Variants in TEC observed in about 807,000 individuals in gnomAD.
TEC encodes tyrosine-protein kinase Tec.
TEC carries 72 observed loss-of-function variants against 93.0 expected under a neutral mutation model. The ratio of observed to expected loss-of-function variants is 0.77; its 90% CI spans 0.64 to 0.94. TEC has a LOEUF of 0.94. Ranked by LOEUF, TEC falls within the 40% of genes least tolerant of loss-of-function variation. The probability of loss-of-function intolerance (pLI) is 0.00; values close to 1 mark genes in which losing one functional copy is unlikely to be tolerated. For synonymous variants in TEC, 249 were observed against 247.7 expected, an observed-to-expected ratio of 1.01 and a Z score of -0.05; for missense variants, 630 against 757.9, an observed-to-expected ratio of 0.83 and a Z score of 1.98.
At chr4:48,177,759 G>A (rs1721388643) in intron 2 of TEC, among the ~76,000 whole-genome samples, 3 of 152,186 alleles carry the variant, frequency 2.0e-5, no homozygotes, top group Admixed American at 2.0e-4. Context: ...CTAGTGGGAG[G>A]TGATTGGATC....
intron 2 of TEC, among the ~76,000 whole-genome samples, chr4:48,197,425 A>G (rs1268514428): frequency 1.3e-5 from 2 of 152,220 alleles, no homozygotes; most frequent in Non-Finnish European, 2.9e-5. Flanking sequence ...CATGTTTGGC[A>G]CATGGTAAGC....
At chr4:48,225,915 C>G (rs982208610) in intron 2 of TEC, among the ~76,000 whole-genome samples, 19 of 152,080 alleles carry the variant, frequency 1.2e-4, no homozygotes, top group African/African-American at 4.6e-4. Context: ...GGCTCTCTAG[C>G]CCAGGCAGCA....
intron 2 of TEC, among the ~76,000 whole-genome samples, chr4:48,185,831 AT>A (rs1721808947): frequency 6.4e-5 from 1 of 15,596 alleles, no homozygotes; most frequent in South Asian, 2.5e-3. Context: ...CCCCTCTCCC[AT>A]CTCCCTCTCC....
At chr4:48,243,816 G>A (rs1447412360) in intron 1 of TEC, among the ~76,000 whole-genome samples, 1 of 152,110 alleles carries the variant, frequency 6.6e-6, no homozygotes, top group African/African-American at 2.4e-5. Flanking sequence ...GGGGCCTGTT[G>A]GGGGTTGGGG....
intron 1 of TEC, among the ~76,000 whole-genome samples, chr4:48,241,660 G>T (rs1723926931): frequency 6.6e-6 from 1 of 152,072 alleles, no homozygotes; most frequent in South Asian, 2.1e-4. Flanking sequence ...ATTCATGAGG[G>T]TGATAAAATG....
chr4:48,233,340 C>CA (rs1174209428), intron 1 of TEC, among the ~76,000 whole-genome samples: 1 of 138,360 alleles, frequency 7.2e-6, no homozygotes, highest in Non-Finnish European at 1.6e-5. Context: ...CCAATTGACA[C>CA]TTTTTTTTTT....
chr4:48,139,154 A>G, intron 15 of TEC, 132 bp from the exon 16 acceptor site: 1 of 749,134 alleles, frequency 1.3e-6, no homozygotes, highest in Non-Finnish European at 2.2e-6. Context: ...GTTGAAGCTA[A>G]ATGTTCACCT....
At position 48,137,676 on chromosome 4, in the gene TEC, CT is replaced by C. The variant is rs35583128; in HGVS notation, c.1813-178del. Among the ~76,000 whole-genome samples the C allele has an allele frequency of 3.0e-3, 463 of 152,308 alleles. 1 individual carries two copies. Among genetic ancestry groups the C allele is most frequent in the Non-Finnish European group, 4.7e-3 (320 of 68,032 alleles). On this transcript the variant is annotated intron_variant, in intron 17 of 17. Coordinates refer to ENST00000381501, the MANE Select transcript of TEC (RefSeq NM_003215.3). Reference sequence around the variant, plus strand: ...ACCCTAATTTACCCTGCATGTACTGCTGCTAGGCTAACGTTTCTAAGACACT... The same window carrying C: ...ACCCTAATTTACCCTGCATGTACTGCGCTAGGCTAACGTTTCTAAGACACT...
chr4:48,204,200 G>T (rs921523391), intron 2 of TEC, among the ~76,000 whole-genome samples: 1 of 152,206 alleles, frequency 6.6e-6, no homozygotes, highest in Non-Finnish European at 1.5e-5. Context: ...GCCACAAGGG[G>T]TCTTAACGGT....
At position 48,167,910 on chromosome 4, in the gene TEC, C is replaced by T. The variant is rs764967387; in HGVS notation, c.539G>A (p.Ser180Asn). 2 of 1,613,874 alleles carry T rather than the reference C, an allele frequency of 1.2e-6. No homozygotes were observed. The highest frequency in any genetic ancestry group is 2.2e-5 in the South Asian group (2 of 91,068). Residue 180 changes from serine (S) to asparagine (N), a missense_variant, in exon 7 of 18, where the codon AGT (serine) becomes AAT (asparagine). Ser to Asn is a conservative substitution (Grantham distance 46). This residue lies in a region of TEC where 335 missense variants were observed against 351.5 expected (regional missense o/e 0.95). Coordinates refer to ENST00000381501, the MANE Select transcript of TEC (RefSeq NM_003215.3). ...PPIPLEEEDN[S>N]EEIVVAMYDF... ...ATACATGGCTACAACGATTTCTTCA[C>T]TATTATCTTCTTCTTCTAGTGGAAT...
At chr4:48,208,817 C>G (rs1484143953) in intron 2 of TEC, among the ~76,000 whole-genome samples, 1 of 152,194 alleles carries the variant, frequency 6.6e-6, no homozygotes, top group Non-Finnish European at 1.5e-5. Context: ...ACAGAGCCTA[C>G]AACAGTACTT....
intron 2 of TEC, 133 bp from the exon 3 acceptor site, chr4:48,176,319 C>A: frequency 1.6e-6 from 1 of 635,698 alleles, no homozygotes. Context: ...ATGTTTCCCA[C>A]TAACTGCTAA....
chr4:48,136,379 C>G lies in TEC; in HGVS notation c.*1037G>C, dbSNP rs981588065. 3 of 152,274 alleles carry G rather than the reference C, an allele frequency of 2.0e-5. No individual in the cohort carries two copies. The highest frequency in any genetic ancestry group is 4.4e-5 in the Non-Finnish European group (3 of 68,094). 9.4% of individuals were successfully genotyped at this position (152,274 alleles called of 1,614,324 possible). ...CTCCGTAGCTTCCTGGATCCTCCGC[C>G]ACAGCTCAGGCTGCTTCCGGGTCCT... is the stretch of plus-strand genomic sequence containing the variant. On this transcript the variant is annotated 3_prime_UTR_variant, in exon 18 of 18. Transcript: ENST00000381501.
intron 1 of TEC, among the ~76,000 whole-genome samples, chr4:48,237,345 AAAT>A (rs1192984848): frequency 1.3e-5 from 2 of 149,606 alleles, no homozygotes; most frequent in Non-Finnish European, 2.9e-5. Context: ...GAGAGAGAGA[AAAT>A]AATAATTTTT....
intron 12 of TEC, 143 bp from the exon 13 acceptor site, chr4:48,145,722 G>C (rs1719880461): frequency 5.3e-6 from 5 of 943,038 alleles, no homozygotes; most frequent in Non-Finnish European, 4.7e-6. Flanking sequence ...ACACAGAACA[G>C]ACTTGAAACC....
At chr4:48,179,795 C>T (rs1187632476) in intron 2 of TEC, among the ~76,000 whole-genome samples, 2 of 152,140 alleles carry the variant, frequency 1.3e-5, no homozygotes, top group African/African-American at 4.8e-5. Context: ...AAACACATTC[C>T]ACCTGACCTC....
Position 48,175,986 on chromosome 4 carries a change from A to ACATCAGCC in TEC, c.243+95_243+96insGGCTGATG. ...CTATTAAAGTGGCAAATGAACCTAC[A>ACATCAGCC]AATCAGCCAGCAAAGCAAGGACAGG... On this transcript the variant is annotated intron_variant, in intron 3 of 17. Coordinates refer to ENST00000381501, the MANE Select transcript of TEC (RefSeq NM_003215.3). 3 of 875,034 alleles carry ACATCAGCC rather than the reference A, an allele frequency of 3.4e-6. No individual in the cohort carries two copies. In the South Asian group the frequency reaches 4.7e-5, roughly 14 times the overall value. 54.2% of individuals were successfully genotyped at this position (875,034 alleles called of 1,614,324 possible). A position where few individuals can be genotyped will look rare whatever the true frequency, so the allele number is the denominator to read the frequency against.
chr4:48,237,306 T>C (rs934352115), intron 1 of TEC, among the ~76,000 whole-genome samples: 5 of 139,118 alleles, frequency 3.6e-5, no homozygotes, highest in Non-Finnish European at 6.0e-5. Flanking sequence ...GGTGTTGGAG[T>C]AAGACTCTGT....
chr4:48,145,828 T>C (rs1349669331), intron 12 of TEC, among the ~76,000 whole-genome samples: 2 of 151,992 alleles, frequency 1.3e-5, no homozygotes, highest in Non-Finnish European at 2.9e-5. Context: ...CTAATAATAA[T>C]ATAGCCTGAA....
Sources: gnomAD v4.1 joint callset for allele counts (sites outside exome capture counted in the v4.1 genomes callset) on GRCh38, gnomAD v4.1.1 for gene constraint, gnomAD v4.1.1 regional missense constraint, MANE v1.5 for transcripts, NCBI Gene and HGNC (gene_info 2026-07-23, HGNC 2026-07-21) for gene names.